Variants in CDC42BPA observed in about 807,000 individuals in gnomAD.
CDC42BPA encodes CDC42 binding protein kinase alpha.
CDC42BPA carries 80 observed loss-of-function variants against 223.5 expected under a neutral mutation model. The observed-to-expected ratio is 0.36, with a 90% CI of 0.30 to 0.43. The LOEUF is 0.43. Ranked by LOEUF, CDC42BPA falls within the 20% of genes least tolerant of loss-of-function variation. The pLI is 1.00. For missense variants in CDC42BPA, 1,743 were observed against 2,099.9 expected, an observed-to-expected ratio of 0.83 and a Z score of 3.32; for synonymous variants, 694 against 718.6, an observed-to-expected ratio of 0.97 and a Z score of 0.55.
chr1:227,142,389 C>A (rs1659848403), intron 9 of CDC42BPA, among the ~76,000 whole-genome samples: 1 of 152,286 alleles, frequency 6.6e-6, no homozygotes, highest in East Asian at 1.9e-4. Context: ...TGAAACTCTT[C>A]TAATTACTGC....
rs1165244729 is a variant in CDC42BPA, at chr1:227,112,896, A to G, written c.1665T>C (p.Ser555=). 2 of 1,613,900 alleles carry G rather than the reference A, an allele frequency of 1.2e-6. No homozygotes were observed. Among genetic ancestry groups the G allele is most frequent in the South Asian group, 2.2e-5 (2 of 91,052 alleles). The change falls in exon 13 of 37, where the codon AGT becomes AGC. Residue 555 remains serine, a synonymous_variant. Transcript: ENST00000366766. Reference sequence around the variant, plus strand: ...CTTTGGATTGGTTTTTTAATCGCTCACTAGCCTGGACTAGTTCCTACAGTT... The same window carrying G: ...CTTTGGATTGGTTTTTTAATCGCTCGCTAGCCTGGACTAGTTCCTACAGTT... The part of the protein sequence containing the change: ...EDLNKELVQA[S]ERLKNQSKEL...
intron 3 of CDC42BPA, among the ~76,000 whole-genome samples, chr1:227,201,673 A>G (rs1032726179): frequency 9.5e-4 from 88 of 92,810 alleles, no homozygotes; most frequent in African/African-American, 3.0e-3. Flanking sequence ...GTGCACGTGC[A>G]CACACATACA....
intron 4 of CDC42BPA, among the ~76,000 whole-genome samples, chr1:227,196,338 C>CTTTTTTTTTTTTTTTTTTTTTTTT (rs34352900): frequency 1.2e-4 from 11 of 92,360 alleles, no homozygotes; most frequent in African/African-American, 3.8e-4. Context: ...TTAAACAATA[C>CTTTTTTTTTTTTTTTTTTTTTTTT]TTTTTTTTTT....
intron 5 of CDC42BPA, among the ~76,000 whole-genome samples, chr1:227,188,452 C>T (rs1032017643): frequency 1.3e-5 from 2 of 151,550 alleles, no homozygotes; most frequent in Non-Finnish European, 2.9e-5. Flanking sequence ...CAGCTTCATT[C>T]ACAATTCCCA....
chr1:227,105,106 G>A (rs1685678574), intron 14 of CDC42BPA, among the ~76,000 whole-genome samples: 1 of 151,798 alleles, frequency 6.6e-6, no homozygotes, highest in Non-Finnish European at 1.5e-5. Context: ...TTGTTATACT[G>A]CATTAATAGT....
chr1:227,148,771 GCAAAAAAAAAAAAAA>G (rs1661166067), intron 6 of CDC42BPA, among the ~76,000 whole-genome samples: 1 of 7,712 alleles, frequency 1.3e-4, no homozygotes, highest in Non-Finnish European at 1.9e-4. Context: ...GGTCTCAAAA[GCAAAAAAAAAAAAAA>G]AAAAAAAAAA....
chr1:227,257,427 G>A (rs1683273126), intron 1 of CDC42BPA, among the ~76,000 whole-genome samples: 1 of 150,904 alleles, frequency 6.6e-6, no homozygotes, highest in African/African-American at 2.5e-5. Context: ...GAATTGTTTG[G>A]TATGTCAATC....
chr1:227,243,038 C>A (rs1680273431), intron 2 of CDC42BPA, among the ~76,000 whole-genome samples: 2 of 152,196 alleles, frequency 1.3e-5, no homozygotes, highest in Middle Eastern at 3.4e-3. Context: ...TGGATGGAGC[C>A]GGAGGCCATT....
At chr1:227,006,167 T>C (rs1281550407) in intron 34 of CDC42BPA, among the ~76,000 whole-genome samples, 1 of 152,234 alleles carries the variant, frequency 6.6e-6, no homozygotes, top group Non-Finnish European at 1.5e-5. Context: ...CTGATGCAAA[T>C]GGTCTGGATT....
chr1:227,240,236 A>G (rs572064185), intron 2 of CDC42BPA, among the ~76,000 whole-genome samples: 1 of 152,218 alleles, frequency 6.6e-6, no homozygotes, highest in African/African-American at 2.4e-5. Context: ...GAAGACCTAT[A>G]CATTAAAACT....
chr1:227,165,400 C>T (rs926566996), intron 5 of CDC42BPA, among the ~76,000 whole-genome samples: 8 of 151,884 alleles, frequency 5.3e-5, no homozygotes, highest in African/African-American at 1.7e-4. Flanking sequence ...TTGATGTACT[C>T]GAATACTTGA....
At chr1:227,074,411 A>C in intron 17 of CDC42BPA, 47 bp from the exon 18 acceptor site, 1 of 1,301,774 alleles carries the variant, frequency 7.7e-7, no homozygotes. Context: ...AAAAAGCTTC[A>C]GTGCAATATA....
intron 2 of CDC42BPA, among the ~76,000 whole-genome samples, chr1:227,252,866 A>G (rs904366186): frequency 6.6e-6 from 1 of 152,236 alleles, no homozygotes; most frequent in Non-Finnish European, 1.5e-5. Flanking sequence ...AACAAGGTAT[A>G]AGATCAATAA....
chr1:227,189,182 C>T (rs1452170488), intron 5 of CDC42BPA, among the ~76,000 whole-genome samples: 1 of 152,082 alleles, frequency 6.6e-6, no homozygotes, highest in African/African-American at 2.4e-5. Flanking sequence ...TAAAACTTTC[C>T]TTAGGAAATG....
chr1:227,256,374 G>A (rs1029505929), intron 1 of CDC42BPA, among the ~76,000 whole-genome samples: 42 of 152,082 alleles, frequency 2.8e-4, no homozygotes, highest in African/African-American at 9.9e-4. Context: ...TGCACGCGGG[G>A]CTTAAAACAC....
intron 15 of CDC42BPA, among the ~76,000 whole-genome samples, chr1:227,099,806 T>A (rs1684665289): frequency 6.6e-6 from 1 of 152,202 alleles, no homozygotes; most frequent in Non-Finnish European, 1.5e-5. Context: ...CTGGCCATCC[T>A]GTATTTATAT....
chr1:227,258,176 G>GAAA (rs60156840), intron 1 of CDC42BPA, among the ~76,000 whole-genome samples: 3,307 of 107,962 alleles, frequency 0.031, 189 homozygotes, highest in African/African-American at 0.1. Context: ...CCCTGTCCGG[G>GAAA]AAAAAAAAAA....
Position 227,129,105 on chromosome 1 carries a change from T to C in CDC42BPA, c.1513+4A>G, listed in dbSNP as rs768903449. 2 of 1,390,960 alleles carry C rather than the reference T, an allele frequency of 1.4e-6. No individual in the cohort carries two copies. The highest frequency in any genetic ancestry group is 2.0e-6 in the Non-Finnish European group (2 of 993,888). 86.2% of individuals were successfully genotyped at this position (1,390,960 alleles called of 1,614,324 possible). On this transcript the variant is annotated splice_donor_region_variant and intron_variant, in intron 11 of 36. Transcript: ENST00000366766. ...TGAATTAACAGTGAATCACAGATAT[T>C]TACCTGTTACTTGTTTTCTTAGTTT...
chr1:227,017,938 A>G lies in CDC42BPA; in HGVS notation c.4616-888T>C, dbSNP rs73087689. 9.3e-3 allele frequency among the ~76,000 whole-genome samples: 1,408 copies of G among 152,188 alleles called. 23 individuals are homozygous for G. Among genetic ancestry groups the G allele is most frequent in the African/African-American group, 0.032 (1,340 of 41,518 alleles). Reference sequence around the variant, plus strand: ...GCCAAACGAGCCTAGAAGAAAACAAAGGTGATAATTAGCAGAAATGCAACA... The same window carrying G: ...GCCAAACGAGCCTAGAAGAAAACAAGGGTGATAATTAGCAGAAATGCAACA... On this transcript the variant is annotated intron_variant, in intron 32 of 36. Transcript: ENST00000366766.
Sources: allele counts gnomAD v4.1 joint callset (sites outside exome capture counted in the v4.1 genomes callset), GRCh38; gene constraint gnomAD v4.1.1; transcripts MANE v1.5; gene names NCBI Gene and HGNC (gene_info 2026-07-23, HGNC 2026-07-21).